SLC14A2: variants seen among roughly 807,000 people sequenced by gnomAD.
The protein encoded by SLC14A2 is urea transporter 2.
A neutral mutation model predicts 104.6 loss-of-function variants in SLC14A2; 91 were observed. The ratio of observed to expected loss-of-function variants is 0.87; its 90% CI spans 0.73 to 1.04. The LOEUF (loss-of-function observed/expected upper bound fraction) is 1.04, where lower values mean the gene tolerates loss of function less well. Ranked by LOEUF, SLC14A2 falls within the 50% of genes least tolerant of loss-of-function variation. The pLI, the probability that SLC14A2 is intolerant of heterozygous loss-of-function variation, is 0.00. For missense variants in SLC14A2, 1,189 were observed against 1,156.0 expected (o/e 1.03, Z -0.41); for synonymous variants, 476 against 466.4 (o/e 1.02, Z -0.27).
At chr18:45,295,271 T>C (rs1242174228) in intron 1 of SLC14A2, among the ~76,000 whole-genome samples, 1 of 152,058 alleles carries the variant, frequency 6.6e-6, no homozygotes, top group Non-Finnish European at 1.5e-5. Flanking sequence ...CAGCATCCCC[T>C]TAACATGTAA....
intron 1 of SLC14A2, among the ~76,000 whole-genome samples, chr18:45,382,282 G>C (rs1337350919): frequency 7.1e-6 from 1 of 141,656 alleles, no homozygotes; most frequent in Admixed American, 7.6e-5. Context: ...TAGATGTTGG[G>C]AATACATATA....
At chr18:45,658,050 A>G (rs911061344) in intron 10 of SLC14A2, among the ~76,000 whole-genome samples, 3 of 152,144 alleles carry the variant, frequency 2.0e-5, no homozygotes, top group African/African-American at 7.2e-5. Context: ...AAAAAGATCA[A>G]ATTATACGTG....
intron 1 of SLC14A2, among the ~76,000 whole-genome samples, chr18:45,480,930 A>AAC (rs1555694503): frequency 6.6e-6 from 1 of 150,526 alleles, no homozygotes; most frequent in Non-Finnish European, 1.5e-5. Flanking sequence ...CAGTTTTTAA[A>AAC]ATATATATAT....
intron 4 of SLC14A2, among the ~76,000 whole-genome samples, chr18:45,632,136 T>C (rs1288438809): frequency 1.1e-4 from 2 of 18,246 alleles, no homozygotes; most frequent in East Asian, 1.4e-3. Flanking sequence ...AGGGTGTGTG[T>C]GTGTGTGTTT....
rs1023042659 is a variant in SLC14A2 at position 45,682,944 on chromosome 18, A to G, written c.*425A>G. The stretch of plus-strand genomic sequence containing the variant: ...CCCATCTCTACTAAAAATACAAAAA[A>G]TTAGCCAGGCATGGTGGCGGGCACC... On this transcript the variant is annotated 3_prime_UTR_variant, in exon 20 of 20. Coordinates refer to ENST00000255226, the MANE Select transcript of SLC14A2 (RefSeq NM_007163.4). 1 of 179,516 alleles carries G rather than the reference A, an allele frequency of 5.6e-6. No individual in the cohort carries two copies. The highest frequency in any genetic ancestry group is 1.2e-5 in the Non-Finnish European group (1 of 82,308). The allele number at this position is 179,516 out of a possible 1,614,324, so 11.1% of individuals were successfully genotyped here. A position where few individuals can be genotyped will look rare whatever the true frequency, so the allele number is the denominator to read the frequency against.
At chr18:45,305,541 T>G (rs1403301541) in intron 1 of SLC14A2, among the ~76,000 whole-genome samples, 3 of 152,182 alleles carry the variant, frequency 2.0e-5, no homozygotes, top group African/African-American at 7.2e-5. Context: ...TTCTCCTGTT[T>G]TCTTCTCCTC....
intron 6 of SLC14A2, among the ~76,000 whole-genome samples, chr18:45,637,672 C>T (rs545884451): frequency 2.8e-4 from 43 of 152,180 alleles, no homozygotes; most frequent in Non-Finnish European, 5.7e-4. Flanking sequence ...ATAATTTTGC[C>T]CCTTGGAGAC....
At chr18:45,301,161 G>C (rs1265894173) in intron 1 of SLC14A2, among the ~76,000 whole-genome samples, 2 of 152,188 alleles carry the variant, frequency 1.3e-5, no homozygotes, top group Non-Finnish European at 2.9e-5. Context: ...ATGTGGGCAG[G>C]GTGATTAACA....
At chr18:45,637,235 T>C (rs112813408) in intron 6 of SLC14A2, 53 bp downstream of exon 6, 1 of 1,445,982 alleles carries the variant, frequency 6.9e-7, no homozygotes, top group African/African-American at 1.4e-5. Flanking sequence ...CTGCAGACCT[T>C]CTCGCCAACC....
chr18:45,625,480 C>T (rs754926391), intron 2 of SLC14A2, among the ~76,000 whole-genome samples: 10 of 152,162 alleles, frequency 6.6e-5, no homozygotes, highest in Non-Finnish European at 1.5e-4. Context: ...TGAAGAAATC[C>T]TGCTGTGAAG....
intron 2 of SLC14A2, among the ~76,000 whole-genome samples, chr18:45,573,866 G>A (rs1599020426): frequency 6.6e-6 from 1 of 152,170 alleles, no homozygotes; most frequent in Admixed American, 6.5e-5. Context: ...CTACAACTGG[G>A]AAAATTTAGA....
At chr18:45,604,762 G>T (rs994446063) in intron 2 of SLC14A2, among the ~76,000 whole-genome samples, 4 of 152,188 alleles carry the variant, frequency 2.6e-5, no homozygotes, top group African/African-American at 9.7e-5. Flanking sequence ...TTAGGTGAGG[G>T]TCATCTTTAA....
chr18:45,304,129 C>T (rs1304021790), intron 1 of SLC14A2, among the ~76,000 whole-genome samples: 1 of 152,148 alleles, frequency 6.6e-6, no homozygotes, highest in African/African-American at 2.4e-5. Context: ...GACCAAGGAG[C>T]CATTGCAAGG....
At chr18:45,659,601 T>A (rs1393954428) in intron 10 of SLC14A2, among the ~76,000 whole-genome samples, 1 of 152,204 alleles carries the variant, frequency 6.6e-6, no homozygotes, top group Non-Finnish European at 1.5e-5. Context: ...TATATCACCG[T>A]CTATAAACTT....
intron 1 of SLC14A2, among the ~76,000 whole-genome samples, chr18:45,308,644 G>C (rs1217062580): frequency 2.0e-5 from 3 of 152,148 alleles, no homozygotes; most frequent in Admixed American, 6.5e-5. Flanking sequence ...CCTTGGAGCT[G>C]TCAGTGCCGC....
At chr18:45,415,192 C>A (rs557226539) in intron 1 of SLC14A2, among the ~76,000 whole-genome samples, 4 of 152,080 alleles carry the variant, frequency 2.6e-5, no homozygotes, top group Non-Finnish European at 5.9e-5. Context: ...TGCTGGAAGC[C>A]CCCAAGTCTT....
intron 1 of SLC14A2, among the ~76,000 whole-genome samples, chr18:45,359,936 CCCT>C (rs2085594312): frequency 6.6e-6 from 1 of 152,196 alleles, no homozygotes; most frequent in South Asian, 2.1e-4. Context: ...ATTCAAGTCT[CCCT>C]GATTTCCAAA....
intron 1 of SLC14A2, among the ~76,000 whole-genome samples, chr18:45,383,922 G>A (rs1011891038): frequency 1.3e-5 from 2 of 152,132 alleles, no homozygotes; most frequent in African/African-American, 4.8e-5. Flanking sequence ...GAGGTGAGAA[G>A]GATGAGTGAG....
chr18:45,515,315 T>C (rs1200699473), intron 2 of SLC14A2: 3 of 152,356 alleles, frequency 2.0e-5, no homozygotes, highest in Admixed American at 6.5e-5. Flanking sequence ...GCAATGATTA[T>C]AGAGAGTGTA....
Sources: allele counts gnomAD v4.1 joint callset (sites outside exome capture counted in the v4.1 genomes callset), GRCh38; gene constraint gnomAD v4.1.1; transcripts MANE v1.5; gene names NCBI Gene and HGNC (gene_info 2026-07-23, HGNC 2026-07-21).